Variants in BBOX1 observed in about 807,000 individuals in gnomAD.
BBOX1 encodes the protein gamma-butyrobetaine hydroxylase 1, also known as gamma-butyrobetaine dioxygenase.
Under a neutral mutation model 41.6 loss-of-function variants are expected in BBOX1, and 35 were observed. That is an observed-to-expected ratio of 0.84 (90% CI 0.64 to 1.11). The LOEUF is 1.11. Among genes scored for constraint, BBOX1 ranks in the 50% most tolerant of loss-of-function variants. BBOX1 has a pLI of 0.00. For synonymous variants in BBOX1, 163 were observed against 154.7 expected (o/e 1.05, Z -0.40); for missense variants, 458 against 460.6 (o/e 0.99, Z 0.05).
chr11:27,076,578 G>T (rs867192968), intron 4 of BBOX1, among the ~76,000 whole-genome samples: 16 of 152,130 alleles, frequency 1.1e-4, no homozygotes, highest in South Asian at 8.3e-4. Context: ...TGCTTGCTTT[G>T]TTACCTAGGG....
rs183246082 is a variant in BBOX1 at position 27,047,957 on chromosome 11, T to C, written c.-39+6479T>C. Among the ~76,000 whole-genome samples the C allele has an allele frequency of 7.9e-5, 12 of 152,306 alleles. No individual in the cohort carries two copies. In the South Asian group the frequency reaches 2.5e-3, roughly 32 times the overall value. On this transcript the variant is annotated intron_variant, in intron 2 of 8. Transcript: ENST00000263182. Reference sequence around the variant, plus strand: ...AAACTAATAATCTTTTTTCACTTTATGTTGTTATTTTTCCTGTTTTATTGA... The same window carrying C: ...AAACTAATAATCTTTTTTCACTTTACGTTGTTATTTTTCCTGTTTTATTGA...
intron 4 of BBOX1, among the ~76,000 whole-genome samples, chr11:27,068,780 T>G (rs1857361782): frequency 1.3e-5 from 2 of 152,142 alleles, no homozygotes; most frequent in African/African-American, 4.8e-5. Flanking sequence ...AGTTACATTC[T>G]TCTATATGTC....
At chr11:27,075,521 G>A (rs893025409) in intron 4 of BBOX1, among the ~76,000 whole-genome samples, 1 of 152,118 alleles carries the variant, frequency 6.6e-6, no homozygotes, top group Non-Finnish European at 1.5e-5. Flanking sequence ...GGAGCTCTCA[G>A]TGAAATGCAC....
At chr11:27,110,165 T>C (rs578107435) in intron 5 of BBOX1, among the ~76,000 whole-genome samples, 84 of 152,028 alleles carry the variant, frequency 5.5e-4, no homozygotes, top group African/African-American at 1.9e-3. Flanking sequence ...CTCCTATGCA[T>C]GTAGCCATAG....
At chr11:27,043,513 G>A (rs550540036) in intron 2 of BBOX1, among the ~76,000 whole-genome samples, 11 of 150,384 alleles carry the variant, frequency 7.3e-5, no homozygotes, top group East Asian at 1.9e-4. Context: ...ACCTATCAAC[G>A]CGTCATCTAC....
chr11:27,109,053 C>T (rs1461054366), intron 5 of BBOX1, among the ~76,000 whole-genome samples: 1 of 152,062 alleles, frequency 6.6e-6, no homozygotes, highest in Non-Finnish European at 1.5e-5. Context: ...ATTTGTTGTA[C>T]TCTAAGAGAG....
intron 5 of BBOX1, among the ~76,000 whole-genome samples, chr11:27,105,112 A>G (rs1332043586): frequency 6.6e-6 from 1 of 152,176 alleles, no homozygotes; most frequent in East Asian, 1.9e-4. Flanking sequence ...ATCAAAGACC[A>G]AAGGTAGATC....
At chr11:27,059,162 G>C (rs1464532020) in intron 4 of BBOX1, among the ~76,000 whole-genome samples, 1 of 152,120 alleles carries the variant, frequency 6.6e-6, no homozygotes, top group Non-Finnish European at 1.5e-5. Context: ...CATCCCAGCT[G>C]CTCCCACTCC....
chr11:27,083,354 C>T (rs1473691412), intron 4 of BBOX1, among the ~76,000 whole-genome samples: 2 of 152,110 alleles, frequency 1.3e-5, no homozygotes, highest in African/African-American at 4.8e-5. Flanking sequence ...GAAGAACTTA[C>T]AATCTAGCGG....
intron 2 of BBOX1, among the ~76,000 whole-genome samples, chr11:27,051,473 G>T (rs1851667485): frequency 6.6e-6 from 1 of 151,986 alleles, no homozygotes; most frequent in East Asian, 1.9e-4. Context: ...AGTTTCCATG[G>T]TTGGAAGGTT....
chr11:27,057,383 G>T (rs1461565090), intron 4 of BBOX1, 68 bp downstream of exon 4: 7 of 1,293,450 alleles, frequency 5.4e-6, no homozygotes, highest in Admixed American at 2.2e-5. Flanking sequence ...TAAGAAATTT[G>T]CTCACAGAAA....
At chr11:27,119,072 T>G (rs1302592522) in intron 6 of BBOX1, among the ~76,000 whole-genome samples, 1 of 152,020 alleles carries the variant, frequency 6.6e-6, no homozygotes, top group Non-Finnish European at 1.5e-5. Flanking sequence ...TATTTAAGAC[T>G]CTCCATCATG....
At position 27,073,316 on chromosome 11, in the gene BBOX1, C is replaced by T. The variant is rs144852498; in HGVS notation, c.334+16001C>T. Among the ~76,000 whole-genome samples, 1,161 of 152,336 alleles carry T rather than the reference C, an allele frequency of 7.6e-3. 8 individuals are homozygous for T. Among genetic ancestry groups the T allele is most frequent in the Non-Finnish European group, 0.012 (798 of 68,044 alleles). Reference sequence around the variant, plus strand: ...AGCCAACAGTCACATGAAAAATACTCATCATCACTGGCCATCAGAGAAATG... The same window carrying T: ...AGCCAACAGTCACATGAAAAATACTTATCATCACTGGCCATCAGAGAAATG... On this transcript the variant is annotated intron_variant, in intron 4 of 8. Coordinates refer to ENST00000263182, the MANE Select transcript of BBOX1 (RefSeq NM_003986.3).
intron 4 of BBOX1, among the ~76,000 whole-genome samples, chr11:27,077,615 TAAA>T (rs34920955): frequency 0.018 from 2,400 of 137,092 alleles, 109 homozygotes; most frequent in Admixed American, 0.12. Context: ...ATCCACCATC[TAAA>T]AAAAAAAAAA....
chr11:27,067,236 T>C (rs1016564808), intron 4 of BBOX1, among the ~76,000 whole-genome samples: 1 of 152,222 alleles, frequency 6.6e-6, no homozygotes, highest in Non-Finnish European at 1.5e-5. Flanking sequence ...TTTTTAATTT[T>C]ATTTCAATAG....
chr11:27,074,064 T>TA (rs1011321050), intron 4 of BBOX1, among the ~76,000 whole-genome samples: 57 of 151,524 alleles, frequency 3.8e-4, no homozygotes, highest in African/African-American at 1.3e-3. Flanking sequence ...AAGTATAATA[T>TA]AAAAAAAAGT....
chr11:27,080,925 G>C (rs10767609), intron 4 of BBOX1, among the ~76,000 whole-genome samples: 35,284 of 152,018 alleles, frequency 0.23, 4,857 homozygotes, highest in African/African-American at 0.37. Flanking sequence ...GGCACACGAT[G>C]TTAAATTCTT....
At position 27,103,526 on chromosome 11, in the gene BBOX1, C is replaced by T. The variant is rs997296205; in HGVS notation, c.533+10160C>T. ...TCTTCTCCCTCTTATCTCCTAGTTA[C>T]GTTTATTTGATCTTGCATTCCTTCT... On this transcript the variant is annotated intron_variant, in intron 5 of 8. Coordinates refer to ENST00000263182, the MANE Select transcript of BBOX1 (RefSeq NM_003986.3). Among the ~76,000 whole-genome samples, 4 of 151,838 alleles carry T rather than the reference C, an allele frequency of 2.6e-5. No homozygotes were observed. In the South Asian group the frequency reaches 6.2e-4, roughly 24 times the overall value.
chr11:27,078,047 T>C (rs531227424), intron 4 of BBOX1, among the ~76,000 whole-genome samples: 13 of 152,220 alleles, frequency 8.5e-5, no homozygotes, highest in African/African-American at 3.1e-4. Context: ...TCCACGAGCA[T>C]GTGGACTTCT....
Sources: allele counts gnomAD v4.1 joint callset (sites outside exome capture counted in the v4.1 genomes callset), GRCh38; gene constraint gnomAD v4.1.1; transcripts MANE v1.5; gene names NCBI Gene and HGNC (gene_info 2026-07-23, HGNC 2026-07-21).